The following DLG2 variants were observed in gnomAD, a reference collection of about 807,000 sequenced individuals.
The protein encoded by DLG2 is disks large homolog 2.
In DLG2, 45 loss-of-function variants were observed where a neutral mutation model predicts 132.5. The ratio of observed to expected loss-of-function variants is 0.34; its 90% CI spans 0.27 to 0.44. The LOEUF is 0.44. Ranked by LOEUF, DLG2 falls within the 20% of genes least tolerant of loss-of-function variation. DLG2 has a pLI of 1.00. For synonymous variants in DLG2, 424 were observed against 419.6 expected, an observed-to-expected ratio of 1.01 and a Z score of -0.13; for missense variants, 1,045 against 1,196.9, an observed-to-expected ratio of 0.87 and a Z score of 1.87.
chr11:84,430,732 G>T (rs969215210), intron 7 of DLG2, among the ~76,000 whole-genome samples: 8 of 152,118 alleles, frequency 5.3e-5, no homozygotes, highest in African/African-American at 1.9e-4. Context: ...CTCTGCCAGG[G>T]TGGGCAGCAG....
intron 21 of DLG2, among the ~76,000 whole-genome samples, chr11:83,525,775 CTT>C (rs1171247214): frequency 1.3e-5 from 2 of 152,162 alleles, no homozygotes; most frequent in Admixed American, 1.3e-4. Context: ...CATTAAAGAG[CTT>C]TCTTTCGAGG....
At chr11:83,846,969 CCT>C (rs2058752590) in intron 16 of DLG2, among the ~76,000 whole-genome samples, 1 of 149,892 alleles carries the variant, frequency 6.7e-6, no homozygotes, top group African/African-American at 2.4e-5. Flanking sequence ...AAGGATTACC[CCT>C]CTTTTTCTTT....
At chr11:83,906,809 T>TATC (rs938603361) in intron 15 of DLG2, among the ~76,000 whole-genome samples, 3 of 152,090 alleles carry the variant, frequency 2.0e-5, no homozygotes, top group African/African-American at 7.2e-5. Context: ...AGCCTAAAAA[T>TATC]ATCCCCTGTC....
intron 18 of DLG2, among the ~76,000 whole-genome samples, chr11:83,734,384 C>T (rs2091560598): frequency 6.9e-6 from 1 of 145,348 alleles, no homozygotes; most frequent in South Asian, 2.2e-4. Flanking sequence ...TCCTTCCTTC[C>T]TTCCTTCCTT....
chr11:84,650,081 T>C (rs1011559149), intron 6 of DLG2, among the ~76,000 whole-genome samples: 2 of 152,204 alleles, frequency 1.3e-5, no homozygotes, highest in Non-Finnish European at 2.9e-5. Flanking sequence ...GTAGCCTCTA[T>C]TCCAAAACTA....
In DLG2 at chr11:84,094,668, C is replaced by T. The variant is rs544359378; in HGVS notation, c.749+4255G>A. On this transcript the variant is annotated intron_variant, in intron 10 of 27. Coordinates refer to ENST00000376104, the MANE Select transcript of DLG2 (RefSeq NM_001142699.3). ...GGGCAAGGAAGCTTTTATGAGGGCA[C>T]TAATATAAGCCAGGGCTTCTTTTAC... 2.0e-5 allele frequency among the ~76,000 whole-genome samples: 3 copies of T among 152,276 alleles called. No homozygotes were observed. The East Asian group carries it at 5.8e-4, about 29-fold the overall frequency.
intron 3 of DLG2, among the ~76,000 whole-genome samples, chr11:85,419,339 T>A (rs1478522193): frequency 6.6e-6 from 1 of 152,226 alleles, no homozygotes; most frequent in Non-Finnish European, 1.5e-5. Flanking sequence ...AACCTTTCTC[T>A]CTGGCTGCCC....
intron 18 of DLG2, chr11:83,682,133 A>T (rs2078932482): frequency 2.0e-6 from 2 of 985,390 alleles, no homozygotes; most frequent in Non-Finnish European, 2.4e-6. Context: ...AACAACAACG[A>T]TTAGCTGCAA....
At chr11:85,432,662 G>A (rs1368785727) in intron 3 of DLG2, among the ~76,000 whole-genome samples, 1 of 151,946 alleles carries the variant, frequency 6.6e-6, no homozygotes, top group East Asian at 1.9e-4. Context: ...CCAGAAATAC[G>A]GAACTACATA....
intron 4 of DLG2, among the ~76,000 whole-genome samples, chr11:85,193,377 C>A (rs1039745714): frequency 1.3e-5 from 2 of 152,174 alleles, no homozygotes; most frequent in Admixed American, 6.5e-5. Flanking sequence ...TATGAACATT[C>A]ATATATAAGT....
At chr11:83,987,296 C>T (rs2093393713) in intron 11 of DLG2, among the ~76,000 whole-genome samples, 1 of 152,004 alleles carries the variant, frequency 6.6e-6, no homozygotes, top group Non-Finnish European at 1.5e-5. Flanking sequence ...GATTCAATGC[C>T]ATCCCCATCA....
At chr11:83,995,222 A>C (rs992827740) in intron 11 of DLG2, among the ~76,000 whole-genome samples, 1 of 152,140 alleles carries the variant, frequency 6.6e-6, no homozygotes, top group South Asian at 2.1e-4. Context: ...ACCAATGTGG[A>C]AAGAATTATA....
chr11:85,552,551 AAAAG>A (rs2076725847), intron 3 of DLG2, among the ~76,000 whole-genome samples: 1 of 151,406 alleles, frequency 6.6e-6, no homozygotes, highest in South Asian at 2.1e-4. Flanking sequence ...TTTAAAAAAT[AAAAG>A]AAATACAGTT....
At chr11:83,514,074 T>C (rs1417737581) in intron 21 of DLG2, among the ~76,000 whole-genome samples, 1 of 152,218 alleles carries the variant, frequency 6.6e-6, no homozygotes, top group East Asian at 1.9e-4. Context: ...AGAAAGTCAT[T>C]GGTAGCTTGA....
At chr11:83,761,564 G>T (rs773751468) in intron 18 of DLG2, among the ~76,000 whole-genome samples, 1 of 152,118 alleles carries the variant, frequency 6.6e-6, no homozygotes, top group Non-Finnish European at 1.5e-5. Context: ...AATTGCATTT[G>T]TATGCATGTA....
chr11:83,779,728 A>G (rs1417954611), intron 18 of DLG2, among the ~76,000 whole-genome samples: 1 of 152,304 alleles, frequency 6.6e-6, no homozygotes, highest in African/African-American at 2.4e-5. Flanking sequence ...ACTTGACAAG[A>G]TTATCTTTAA....
At chr11:84,629,609 A>T (rs2099628258) in intron 6 of DLG2, among the ~76,000 whole-genome samples, 1 of 152,330 alleles carries the variant, frequency 6.6e-6, no homozygotes, top group South Asian at 2.1e-4. Context: ...CAAGTATTCT[A>T]ACAATCCCTC....
At chr11:83,741,955 C>T (rs2153720496) in intron 18 of DLG2, among the ~76,000 whole-genome samples, 1 of 152,174 alleles carries the variant, frequency 6.6e-6, no homozygotes, top group East Asian at 1.9e-4. Context: ...CACACTGGAA[C>T]TCTTCCCTGA....
chr11:84,907,217 G>C (rs917217664), intron 6 of DLG2, among the ~76,000 whole-genome samples: 2 of 152,038 alleles, frequency 1.3e-5, no homozygotes, highest in Non-Finnish European at 1.5e-5. Context: ...CCTTTGATGA[G>C]GCAATTCAAC....
Sources: allele counts gnomAD v4.1 joint callset (sites outside exome capture counted in the v4.1 genomes callset), GRCh38; gene constraint gnomAD v4.1.1; transcripts MANE v1.5; gene names NCBI Gene and HGNC (gene_info 2026-07-23, HGNC 2026-07-21).